The following TULP4 variants were observed in gnomAD, a reference collection of about 807,000 sequenced individuals.
TULP4 encodes the protein TUB like protein 4, also known as tubby-related protein 4.
In TULP4, 16 loss-of-function variants were observed where a neutral mutation model predicts 129.0. The observed-to-expected ratio is 0.12, with a 90% CI of 0.08 to 0.19. The LOEUF is 0.19. TULP4 is among the 10% of genes least tolerant of loss of function. TULP4 has a pLI of 1.00. For synonymous variants in TULP4, 998 were observed against 854.0 expected, an observed-to-expected ratio of 1.17 and a Z score of -2.94; for missense variants, 1,842 against 2,059.1, an observed-to-expected ratio of 0.89 and a Z score of 2.04.
upstream of TULP4, chr6:158,312,029 A>ATT (rs1779365806): frequency 6.4e-6 from 2 of 312,152 alleles, no homozygotes; most frequent in Admixed American, 8.4e-5. Context: ...TAAATTTTAT[A>ATT]TCTTTTTTTT....
intron 4 of TULP4, among the ~76,000 whole-genome samples, chr6:158,451,476 T>C (rs1478491304): frequency 1.3e-5 from 2 of 152,244 alleles, no homozygotes; most frequent in Non-Finnish European, 1.5e-5. Flanking sequence ...GGCTTACTTT[T>C]GCTTTTTCAA....
intron 1 of TULP4, among the ~76,000 whole-genome samples, chr6:158,370,457 CAAAAAAAA>C (rs533005080): frequency 2.1e-4 from 6 of 28,898 alleles, no homozygotes; most frequent in African/African-American, 3.0e-4. Flanking sequence ...AACTCCATCT[CAAAAAAAA>C]AAAAAAAAAA....
At chr6:158,239,640 T>C (rs1429002242) in intron 1 of TULP4, among the ~76,000 whole-genome samples, 11 of 57,542 alleles carry the variant, frequency 1.9e-4, no homozygotes, top group East Asian at 8.4e-4. Context: ...GGTGGGGGGC[T>C]GACCCCCCCA....
rs1373147419 is a variant in TULP4, at chr6:158,240,773, G to A, written n.68+8470G>A. On this transcript the variant is annotated intron_variant and non_coding_transcript_variant, in intron 1 of 1. Transcript: ENST00000620026. ...TGACCCCCCCACCTCCCTCCCGGTC[G>A]GCACGGCTGGCCAGGCGGGGGGCTG... 2.8e-5 allele frequency among the ~76,000 whole-genome samples: 4 copies of A among 141,562 alleles called. 1 individual carries two copies. Among genetic ancestry groups the A allele is most frequent in the Non-Finnish European group, 4.7e-5 (3 of 63,394 alleles). The allele number at this position is 141,562 out of a possible 152,430, so 92.9% of individuals were successfully genotyped here.
chr6:158,444,022 A>C (rs891834766), intron 3 of TULP4, among the ~76,000 whole-genome samples: 1 of 151,854 alleles, frequency 6.6e-6, no homozygotes, highest in South Asian at 2.1e-4. Flanking sequence ...GATTGAGACC[A>C]TCCTGGCTAA....
chr6:158,335,048 C>T (rs547853581), intron 1 of TULP4, among the ~76,000 whole-genome samples: 4 of 152,144 alleles, frequency 2.6e-5, no homozygotes, highest in East Asian at 1.9e-4. Flanking sequence ...GAGGTTGAGG[C>T]GGGCGGATCA....
chr6:158,382,687 C>G (rs1034635001), intron 1 of TULP4, among the ~76,000 whole-genome samples: 1 of 152,118 alleles, frequency 6.6e-6, no homozygotes, highest in Non-Finnish European at 1.5e-5. Context: ...AATGAGATAC[C>G]TTAAATCATG....
intron 1 of TULP4, among the ~76,000 whole-genome samples, chr6:158,263,094 G>T (rs1410267927): frequency 1.3e-5 from 2 of 152,152 alleles, no homozygotes; most frequent in Non-Finnish European, 2.9e-5. Context: ...AATTACCTGT[G>T]GTACTTCAGA....
chr6:158,236,812 T>TTTTTGAGATAGGGTC (rs1777717173), intron 1 of TULP4, among the ~76,000 whole-genome samples: 1 of 108,690 alleles, frequency 9.2e-6, no homozygotes, highest in African/African-American at 3.5e-5. Context: ...TTTTTTTTTT[T>TTTTTGAGATAGGGTC]TTTTTTTTTT....
chr6:158,346,461 C>T (rs1032932398), intron 1 of TULP4, among the ~76,000 whole-genome samples: 1 of 151,890 alleles, frequency 6.6e-6, no homozygotes, highest in African/African-American at 2.4e-5. Context: ...GAACATAACT[C>T]TCGTATGCAC....
intron 1 of TULP4, among the ~76,000 whole-genome samples, chr6:158,411,913 T>C (rs1327255683): frequency 6.6e-6 from 1 of 152,198 alleles, no homozygotes; most frequent in African/African-American, 2.4e-5. Flanking sequence ...TAAATTAGAA[T>C]TTGGAAACCA....
chr6:158,246,824 T>A (rs1271496834), intron 1 of TULP4, among the ~76,000 whole-genome samples: 2 of 152,214 alleles, frequency 1.3e-5, no homozygotes, highest in Non-Finnish European at 2.9e-5. Context: ...ACCCGTGAGA[T>A]AAAGAGTATT....
At chr6:158,310,122 A>G (rs1779317107), upstream of TULP4, among the ~76,000 whole-genome samples, 2 of 152,162 alleles carry the variant, frequency 1.3e-5, no homozygotes, top group South Asian at 4.2e-4. Context: ...ACTATAAGGA[A>G]TACCTGAGAC....
chr6:158,275,991 C>T (rs1393361303), intron 1 of TULP4, among the ~76,000 whole-genome samples: 5 of 151,796 alleles, frequency 3.3e-5, no homozygotes, highest in South Asian at 4.2e-4. Context: ...TTTTTTGTTA[C>T]GGCAGTCTTG....
chr6:158,277,043 G>T (rs891280426), intron 1 of TULP4, among the ~76,000 whole-genome samples: 1 of 152,000 alleles, frequency 6.6e-6, no homozygotes, highest in Non-Finnish European at 1.5e-5. Context: ...AGGCTCAGGT[G>T]GTCCTCCCAC....
chr6:158,238,939 T>C (rs1184587727), intron 1 of TULP4, among the ~76,000 whole-genome samples: 2 of 136,312 alleles, frequency 1.5e-5, no homozygotes, highest in African/African-American at 2.6e-5. Flanking sequence ...AATGAGCTGT[T>C]GGGCACACCT....
chr6:158,451,585 C>T (rs796131904), intron 4 of TULP4, among the ~76,000 whole-genome samples: 13 of 152,338 alleles, frequency 8.5e-5, no homozygotes, highest in African/African-American at 2.4e-4. Context: ...GGCTGTGCTC[C>T]GCAGGTGCAG....
intron 1 of TULP4, among the ~76,000 whole-genome samples, chr6:158,284,852 C>T (rs1420877348): frequency 6.6e-6 from 1 of 152,190 alleles, no homozygotes; most frequent in Non-Finnish European, 1.5e-5. Flanking sequence ...AGGTGTGAGC[C>T]TCGGTTTCCT....
chr6:158,294,623 T>C (rs1026846727), intron 1 of TULP4, among the ~76,000 whole-genome samples: 1 of 152,180 alleles, frequency 6.6e-6, no homozygotes, highest in African/African-American at 2.4e-5. Flanking sequence ...GAAACTGGGA[T>C]GTGTTTGATT....
Sources: allele counts gnomAD v4.1 joint callset (sites outside exome capture counted in the v4.1 genomes callset), GRCh38; gene constraint gnomAD v4.1.1; transcripts MANE v1.5; gene names NCBI Gene and HGNC (gene_info 2026-07-23, HGNC 2026-07-21).